The following PLA2G4D variants were observed in gnomAD, a reference collection of about 807,000 sequenced individuals.
PLA2G4D encodes cytosolic phospholipase A2 delta.
A neutral mutation model predicts 94.4 loss-of-function variants in PLA2G4D; 80 were observed. The ratio of observed to expected loss-of-function variants is 0.85; its 90% confidence interval spans 0.71 to 1.02. The LOEUF (loss-of-function observed/expected upper bound fraction) is 1.02, where lower values mean the gene tolerates loss of function less well. Ranked by LOEUF, PLA2G4D falls within the 50% of genes least tolerant of loss-of-function variation. The probability of loss-of-function intolerance (pLI) is 0.00; values close to 1 mark genes in which losing one functional copy is unlikely to be tolerated. For synonymous variants in PLA2G4D, 438 were observed against 440.9 expected (o/e 0.99, Z 0.08); for missense variants, 1,050 against 1,034.7 (o/e 1.01, Z -0.20).
intron 1 of PLA2G4D, among the ~76,000 whole-genome samples, chr15:42,093,112 C>T (rs1166558914): frequency 6.6e-6 from 1 of 152,182 alleles, no homozygotes; most frequent in Non-Finnish European, 1.5e-5. Context: ...AGGTCCCGCT[C>T]TGGGGCAGGT....
chr15:42,070,152 C>G, intron 18 of PLA2G4D, 57 bp from the exon 19 acceptor site: 8 of 1,393,798 alleles, frequency 5.7e-6, no homozygotes, highest in South Asian at 1.5e-5. Context: ...AATGCTGGGC[C>G]AGTTCCAGCC....
chr15:42,085,574 G>A, intron 4 of PLA2G4D, 43 bp from the exon 5 acceptor site: 4 of 1,592,996 alleles, frequency 2.5e-6, no homozygotes, highest in Non-Finnish European at 3.4e-6. Flanking sequence ...ACATACCTGT[G>A]TCTTCAGAGT....
chr15:42,085,531 C>A lies in PLA2G4D; in HGVS notation c.388G>T (p.Gly130Ter). The change falls in exon 5 of 20, where the codon GGA (glycine) becomes TGA (stop). Residue 130 changes from glycine (G) to a stop codon, truncating the protein, a stop_gained and splice_region_variant. Coordinates refer to ENST00000290472, the MANE Select transcript of PLA2G4D (RefSeq NM_178034.4). LOFTEE classifies it high-confidence loss of function. Reference protein sequence around the residue: ...LRKTFSQSPQGEEELDVEFLM... With the variant: ...LRKTFSQSPQ The stretch of plus-strand genomic sequence containing the variant: ...AACTCCACATCCAGCTCCTCCTCTC[C>A]CTGAAATCAGAGAGCATGAGCAAGT... The A allele has an allele frequency of 1.2e-6, 2 of 1,613,358 alleles. No individual in the cohort carries two copies. The highest frequency in any genetic ancestry group is 3.3e-4 in the Middle Eastern group (2 of 6,054).
intron 13 of PLA2G4D, among the ~76,000 whole-genome samples, chr15:42,073,528 ACTGGGCAGTAT>A (rs1193831239): frequency 6.6e-6 from 1 of 152,178 alleles, no homozygotes; most frequent in Non-Finnish European, 1.5e-5. Context: ...GGCTGTTTCT[ACTGGGCAGTAT>A]GTGTACCATG....
At chr15:42,080,947 C>T in intron 12 of PLA2G4D, 50 bp downstream of exon 12, 2 of 1,591,980 alleles carry the variant, frequency 1.3e-6, no homozygotes, top group Non-Finnish European at 8.6e-7. Context: ...CCACTCTGCC[C>T]CGCTATGGCC....
At position 42,084,071 on chromosome 15, in the gene PLA2G4D, G is replaced by T; in HGVS notation, c.472-292C>A. 1 of 406,394 alleles carries T rather than the reference G, an allele frequency of 2.5e-6. No individual in the cohort carries two copies. The highest frequency in any genetic ancestry group is 4.5e-6 in the Non-Finnish European group (1 of 222,318). The allele number at this position is 406,394 out of a possible 1,614,324, so 25.2% of individuals were successfully genotyped here. ...GAGCGCCCAGCCCTCAGACACAGCT[G>T]TTTCTTCTCTTGTTTCCCTGTGGCT... is the stretch of plus-strand genomic sequence containing the variant. On this transcript the variant is annotated intron_variant, in intron 6 of 19. Transcript: ENST00000290472. This position sits in a 1 kb window ranked among gnomAD's most constrained non-coding sequence, Gnocchi z 4.8.
intron 15 of PLA2G4D, 33 bp downstream of exon 15, chr15:42,071,741 G>T: frequency 6.2e-7 from 1 of 1,612,430 alleles, no homozygotes; most frequent in African/African-American, 1.3e-5. Flanking sequence ...CTGGCCCAGG[G>T]CTGCCCAGGG....
chr15:42,070,770 G>C lies in PLA2G4D; in HGVS notation c.1990C>G (p.Arg664Gly). 6.3e-7 allele frequency: 1 copy of C among 1,592,348 alleles called. No individual in the cohort carries two copies. Among genetic ancestry groups the C allele is most frequent in the Non-Finnish European group, 8.6e-7 (1 of 1,168,712 alleles). Residue 664 changes from arginine to glycine, a missense_variant, in exon 18 of 20, where the codon CGC becomes GGC. Arg to Gly is a moderately radical substitution (Grantham distance 125). Transcript: ENST00000290472. ...AAGGAGAGGATGAGGTCCAGCCTGC[G>C]GCCTGGCCGGAACATGGAGGGAGAG... is the stretch of plus-strand genomic sequence containing the variant. ...TSSPSMFRPG[R>G]RLDLILSFDY...
Position 42,070,901 on chromosome 15 carries a change from A to G in PLA2G4D, c.1877-18T>C, listed in dbSNP as rs372740860. The G allele has an allele frequency of 3.1e-5, 49 of 1,606,372 alleles. No individual in the cohort carries two copies. In the African/African-American group the frequency reaches 6.6e-4, roughly 21 times the overall value. ...CTGGTAGTCTGGTGGGAATCGCAGG[A>G]TGGTCAGAGGCCACCACCCTGCCAC... On this transcript the variant is annotated intron_variant, in intron 17 of 19. Coordinates refer to ENST00000290472, the MANE Select transcript of PLA2G4D (RefSeq NM_178034.4).
rs768597811 is a variant in PLA2G4D, at chr15:42,092,163, CTTTA to C, written c.45+2248_45+2251del. ...GGGGCTGGTCCCTACACTACTGTAA[CTTTA>C]TTTATCCTCCCACAGCTTCAAAAGA... On this transcript the variant is annotated intron_variant, in intron 1 of 19. Transcript: ENST00000290472. Among the ~76,000 whole-genome samples, 156 of 152,234 alleles carry C rather than the reference CTTTA, an allele frequency of 1.0e-3. 1 individual carries two copies. Among genetic ancestry groups the C allele is most frequent in the Non-Finnish European group, 1.8e-3 (122 of 68,022 alleles).
At chr15:42,089,690 T>A (rs1027262237) in intron 1 of PLA2G4D, among the ~76,000 whole-genome samples, 57 of 151,768 alleles carry the variant, frequency 3.8e-4, no homozygotes, top group Middle Eastern at 3.4e-3. Context: ...CCCTGCAGGG[T>A]ATTGAGTTTG....
intron 1 of PLA2G4D, among the ~76,000 whole-genome samples, chr15:42,093,076 G>A (rs963482136): frequency 2.6e-5 from 4 of 152,140 alleles, no homozygotes; most frequent in South Asian, 2.1e-4. Flanking sequence ...AACAGGTCCC[G>A]GATGGCCAGC....
In PLA2G4D at chr15:42,070,640, G is replaced by A. The variant is rs1889786083; in HGVS notation, c.2043+77C>T. ...CGGGACCCCGGCGGTGTGGGGCAGG[G>A]GCTCAGTGGCCCTGCTGCTCGCCTC... On this transcript the variant is annotated intron_variant, in intron 18 of 19. Coordinates refer to ENST00000290472, the MANE Select transcript of PLA2G4D (RefSeq NM_178034.4). The A allele has an allele frequency of 4.8e-6, 7 of 1,460,612 alleles. No individual in the cohort carries two copies. The East Asian group carries it at 7.5e-5, about 16-fold the overall frequency. The allele number at this position is 1,460,612 out of a possible 1,614,324, so 90.5% of individuals were successfully genotyped here. A position where few individuals can be genotyped will look rare whatever the true frequency, so the allele number is the denominator to read the frequency against.
intron 1 of PLA2G4D, 87 bp from the exon 2 acceptor site, chr15:42,087,787 C>A: frequency 7.3e-7 from 1 of 1,373,498 alleles, no homozygotes; most frequent in Non-Finnish European, 1.0e-6. Flanking sequence ...CACCCCTCAC[C>A]ACTCTCCTGG....
At chr15:42,074,553 T>C (rs1353151178) in intron 13 of PLA2G4D, among the ~76,000 whole-genome samples, 1 of 152,198 alleles carries the variant, frequency 6.6e-6, no homozygotes, top group Non-Finnish European at 1.5e-5. Context: ...TAGTGTATTT[T>C]ACGAGCGGGT....
chr15:42,079,628 C>T lies in PLA2G4D; in HGVS notation c.1226G>A (p.Arg409His). 6.2e-7 allele frequency: 1 copy of T among 1,611,800 alleles called. No individual in the cohort carries two copies. The highest frequency in any genetic ancestry group is 2.2e-5 in the East Asian group (1 of 44,764). Residue 409 changes from arginine to histidine, a missense_variant, in exon 13 of 20, where the codon CGC becomes CAC. Transcript: ENST00000290472. ...VFSPERLASY[R>H]RELELRAEQG... ...CTCAGCCCGCAGCTCCAGCTCCCGG[C>T]GGTAGCTCGCCAGGCGCTCTGGGGA...
intron 13 of PLA2G4D, 124 bp from the exon 14 acceptor site, chr15:42,072,516 T>C: frequency 5.4e-6 from 4 of 737,322 alleles, no homozygotes; most frequent in Non-Finnish European, 7.0e-6. Context: ...TCCCGTGGGG[T>C]CTGGGGACCA....
rs145074941 is a variant in PLA2G4D, at chr15:42,081,573, G to C, written c.863C>G (p.Ala288Gly). Residue 288 changes from alanine to glycine, a missense_variant, in exon 11 of 20, where the codon GCA (alanine) becomes GGA (glycine). By Grantham distance (60) the Ala-to-Gly change is moderately conservative. Transcript: ENST00000290472. Reference protein sequence around the residue: ...LAVHLGFNLCAEEQAFLSRRK... With the variant: ...LAVHLGFNLCGEEQAFLSRRK... ...CCTGCTCAGGAAGGCCTGCTCCTCTGCACAGAGATTGAAGCCCAGGTGCAC... is the reference window on the plus strand; with the variant it reads ...CCTGCTCAGGAAGGCCTGCTCCTCTCCACAGAGATTGAAGCCCAGGTGCAC... The C allele has an allele frequency of 6.2e-7, 1 of 1,614,078 alleles. No homozygotes were observed. The highest frequency in any genetic ancestry group is 1.3e-5 in the African/African-American group (1 of 74,940).
rs770742077 is a variant in PLA2G4D, at chr15:42,079,770, G to A, written c.1095-11C>T. On this transcript the variant is annotated splice_polypyrimidine_tract_variant and intron_variant, in intron 12 of 19. Transcript: ENST00000290472. ...AGGTGGGCCATTGTCCTGGAAGAAC[G>A]AGGGGACAGAACAGTAGGAGCCCGA... 2.5e-6 allele frequency: 4 copies of A among 1,597,904 alleles called. No individual in the cohort carries two copies. Among genetic ancestry groups the A allele is most frequent in the Non-Finnish European group, 3.4e-6 (4 of 1,174,184 alleles).
Sources: allele counts gnomAD v4.1 joint callset (sites outside exome capture counted in the v4.1 genomes callset), GRCh38; gene constraint gnomAD v4.1.1; non-coding constraint Gnocchi (gnomAD v3.1); transcripts MANE v1.5; gene names NCBI Gene and HGNC (gene_info 2026-07-23, HGNC 2026-07-21).